Variants in CORO1C observed in about 807,000 individuals in gnomAD.
The protein encoded by CORO1C is coronin-1C.
In CORO1C, 14 loss-of-function variants were observed where a neutral mutation model predicts 51.2. The ratio of observed to expected loss-of-function variants is 0.27; its 90% CI spans 0.18 to 0.43. The LOEUF (loss-of-function observed/expected upper bound fraction) is 0.43, where lower values mean the gene tolerates loss of function less well. CORO1C is among the 20% of genes least tolerant of loss of function. CORO1C has a pLI of 1.00. For synonymous variants in CORO1C, 181 were observed against 210.5 expected, an observed-to-expected ratio of 0.86 and a Z score of 1.21; for missense variants, 417 against 607.8, an observed-to-expected ratio of 0.69 and a Z score of 3.30.
intron 1 of CORO1C, among the ~76,000 whole-genome samples, chr12:108,723,945 A>T (rs2035530870): frequency 1.3e-5 from 2 of 152,240 alleles, no homozygotes; most frequent in Non-Finnish European, 2.9e-5. Context: ...ACTAGTGCTC[A>T]GATTATAAGA....
intron 7 of CORO1C, 142 bp downstream of exon 7, chr12:108,654,164 A>G (rs2032821501): frequency 3.4e-6 from 2 of 584,994 alleles, no homozygotes; most frequent in Admixed American, 3.0e-5. Context: ...AAAATACCAA[A>G]TTATCTGTCC....
intron 3 of CORO1C, among the ~76,000 whole-genome samples, chr12:108,671,706 A>G (rs1156469032): frequency 6.6e-6 from 1 of 152,240 alleles, no homozygotes; most frequent in Non-Finnish European, 1.5e-5. Flanking sequence ...ATGCCAAAAG[A>G]AAATGGAATA....
chr12:108,665,491 G>A (rs1346196217), intron 3 of CORO1C, among the ~76,000 whole-genome samples: 1 of 152,118 alleles, frequency 6.6e-6, no homozygotes, highest in Non-Finnish European at 1.5e-5. Context: ...GAAGTTGATG[G>A]TCTAACAGAA....
intron 1 of CORO1C, chr12:108,730,906 G>C (rs1455307486): frequency 6.5e-6 from 1 of 152,942 alleles, no homozygotes; most frequent in Non-Finnish European, 1.4e-5. Flanking sequence ...GCAGGGCCCA[G>C]CTCGCCCCGG....
intron 2 of CORO1C, among the ~76,000 whole-genome samples, chr12:108,687,745 A>G (rs1565921370): frequency 1.3e-5 from 2 of 151,960 alleles, no homozygotes; most frequent in African/African-American, 4.8e-5. Context: ...AGATCGCGCC[A>G]GTGTACTCCA....
intron 1 of CORO1C, among the ~76,000 whole-genome samples, chr12:108,717,781 T>C (rs1473446834): frequency 1.3e-5 from 2 of 152,168 alleles, no homozygotes; most frequent in African/African-American, 2.4e-5. Context: ...AGTAAAACCA[T>C]GGGAAAAATA....
intron 10 of CORO1C, 24 bp downstream of exon 10, chr12:108,648,581 C>T: frequency 6.2e-7 from 1 of 1,613,788 alleles, no homozygotes; most frequent in Admixed American, 1.7e-5. Context: ...CAGCCAAGCA[C>T]CCCTGCACTC....
At chr12:108,702,212 G>A (rs530101757) in intron 1 of CORO1C, among the ~76,000 whole-genome samples, 29 of 152,314 alleles carry the variant, frequency 1.9e-4, no homozygotes, top group African/African-American at 6.5e-4. Flanking sequence ...CCAGACTTGA[G>A]GAAGGCCTGG....
At chr12:108,722,084 C>T (rs2035486737) in intron 1 of CORO1C, among the ~76,000 whole-genome samples, 1 of 152,204 alleles carries the variant, frequency 6.6e-6, no homozygotes, top group South Asian at 2.1e-4. Flanking sequence ...CTCTGCTCAA[C>T]TTTCCCCTTG....
rs566720312 is a variant in CORO1C, at chr12:108,713,448, C to T, written c.-5-12125G>A. Among the ~76,000 whole-genome samples, 4 of 152,276 alleles carry T rather than the reference C, an allele frequency of 2.6e-5. No homozygotes were observed. The East Asian group carries it at 7.7e-4, about 29-fold the overall frequency. ...ATCCCATCATTATTAATCCAGGTAACAGGTAAGATGCCAAGAATGAGGCAT... is the reference window on the plus strand; with the variant it reads ...ATCCCATCATTATTAATCCAGGTAATAGGTAAGATGCCAAGAATGAGGCAT... On this transcript the variant is annotated intron_variant, in intron 1 of 10. Coordinates refer to ENST00000261401, the MANE Select transcript of CORO1C (RefSeq NM_014325.4).
At chr12:108,710,050 A>T (rs2035134584) in intron 1 of CORO1C, among the ~76,000 whole-genome samples, 2 of 152,242 alleles carry the variant, frequency 1.3e-5, no homozygotes, top group Non-Finnish European at 2.9e-5. Context: ...TCTACAAAAC[A>T]TGGGAAATAC....
intron 7 of CORO1C, among the ~76,000 whole-genome samples, chr12:108,653,298 G>A (rs931355381): frequency 7.2e-5 from 11 of 152,198 alleles, no homozygotes; most frequent in African/African-American, 2.7e-4. Flanking sequence ...TTTTAATTCA[G>A]TCAAGGGCAA....
Position 108,687,318 on chromosome 12 carries a change from T to C in CORO1C, c.196-8924A>G, listed in dbSNP as rs912358654. 2.0e-5 allele frequency among the ~76,000 whole-genome samples: 3 copies of C among 152,280 alleles called. No individual in the cohort carries two copies. In the South Asian group the frequency reaches 6.2e-4, roughly 32 times the overall value. On this transcript the variant is annotated intron_variant, in intron 2 of 10. Transcript: ENST00000261401. ...AATCTTAAGAAATCCGGCGAAACCC[T>C]GTCCCTACAAATATAAAAATTAGTC...
At chr12:108,702,850 G>A (rs960466316) in intron 1 of CORO1C, 50 of 1,535,486 alleles carry the variant, frequency 3.3e-5, no homozygotes, top group Middle Eastern at 1.7e-4. Flanking sequence ...GCATGTAGCC[G>A]GGCTGAAGTA....
chr12:108,715,077 C>G (rs2035289810), intron 1 of CORO1C, among the ~76,000 whole-genome samples: 4 of 151,830 alleles, frequency 2.6e-5, no homozygotes, highest in Admixed American at 2.6e-4. Flanking sequence ...AGATAAAATT[C>G]CTAAAACTGG....
chr12:108,720,903 T>C (rs1316848397), intron 1 of CORO1C, among the ~76,000 whole-genome samples: 3 of 152,166 alleles, frequency 2.0e-5, no homozygotes, highest in Non-Finnish European at 2.9e-5. Context: ...AGACTGACAA[T>C]ATCACAAGTG....
chr12:108,662,411 G>C (rs959839102), intron 3 of CORO1C, among the ~76,000 whole-genome samples: 1 of 151,794 alleles, frequency 6.6e-6, no homozygotes, highest in East Asian at 1.9e-4. Flanking sequence ...GCGCGATCTC[G>C]GCTCACTGCA....
chr12:108,654,378 C>A lies in CORO1C; in HGVS notation c.783G>T (p.Glu261Asp). ...GCAACACCCCATTGCTAGTGTCCAT[C>A]TCATGAAGAGCAATTGGTTCCTGCA... ...KNMQEPIALH[E>D]MDTSNGVLLP... Residue 261 changes from glutamate (E) to aspartate (D), a missense_variant, in exon 7 of 11, where the codon GAG (glutamate) becomes GAT (aspartate). By Grantham distance (45) the Glu-to-Asp change is conservative. Coordinates refer to ENST00000261401, the MANE Select transcript of CORO1C (RefSeq NM_014325.4). The A allele has an allele frequency of 1.2e-6, 2 of 1,612,588 alleles. No individual in the cohort carries two copies. The highest frequency in any genetic ancestry group is 1.7e-6 in the Non-Finnish European group (2 of 1,178,790).
intron 1 of CORO1C, among the ~76,000 whole-genome samples, chr12:108,727,735 T>C (rs1407341018): frequency 6.6e-6 from 1 of 152,168 alleles, no homozygotes; most frequent in Non-Finnish European, 1.5e-5. Context: ...ACCCCACTAT[T>C]CATAAATTGG....
Sources: gnomAD v4.1 joint callset for allele counts (sites outside exome capture counted in the v4.1 genomes callset) on GRCh38, gnomAD v4.1.1 for gene constraint, MANE v1.5 for transcripts, NCBI Gene and HGNC (gene_info 2026-07-23, HGNC 2026-07-21) for gene names.